The following ANXA8 variants were observed in gnomAD, a reference collection of about 807,000 sequenced individuals.
ANXA8 encodes annexin A8.
In ANXA8, 9 loss-of-function variants were observed where a neutral mutation model predicts 26.8. The ratio of observed to expected loss-of-function variants is 0.34; its 90% CI spans 0.20 to 0.59. ANXA8 has a LOEUF of 0.59. ANXA8 is among the 20% of genes least tolerant of loss of function. ANXA8 has a pLI of 0.84. For synonymous variants in ANXA8, 39 were observed against 94.8 expected, an observed-to-expected ratio of 0.41 and a Z score of 3.42; for missense variants, 83 against 238.5, an observed-to-expected ratio of 0.35 and a Z score of 4.29.
the ANXA8 span, among the ~76,000 whole-genome samples, chr10:47,584,909 G>C: frequency 7.0e-6 from 1 of 143,268 alleles, no homozygotes; most frequent in African/African-American, 2.9e-5. Flanking sequence ...CCAACATGGC[G>C]AAACCCCGTC....
the ANXA8 span, among the ~76,000 whole-genome samples, chr10:47,649,692 C>T: frequency 6.6e-6 from 1 of 150,696 alleles, no homozygotes; most frequent in Admixed American, 6.6e-5. Flanking sequence ...CAGGCATCAG[C>T]CACTGCGCCT....
the ANXA8 span, among the ~76,000 whole-genome samples, chr10:47,521,973 G>C: frequency 1.3e-5 from 2 of 150,802 alleles, no homozygotes; most frequent in East Asian, 3.9e-4. Context: ...TTTTAGTAGA[G>C]ACAGCGTTTC....
chr10:47,942,037 A>C, the ANXA8 span, among the ~76,000 whole-genome samples: 1 of 147,752 alleles, frequency 6.8e-6, no homozygotes, highest in South Asian at 2.1e-4. Context: ...AATATTTTAA[A>C]ATCAGTTGCT....
chr10:47,510,306 A>C, the ANXA8 span: 3 of 1,076,638 alleles, frequency 2.8e-6, 1 homozygote, highest in South Asian at 4.9e-5. Context: ...CAAACTTATC[A>C]AAGTGTATTT....
chr10:47,701,093 A>C, the ANXA8 span, among the ~76,000 whole-genome samples: 1 of 149,850 alleles, frequency 6.7e-6, no homozygotes, highest in Non-Finnish European at 1.5e-5. Context: ...ATGAACAGTC[A>C]ATTTTCAAAA....
chr10:47,755,049 C>G, the ANXA8 span, among the ~76,000 whole-genome samples: 5 of 145,150 alleles, frequency 3.4e-5, no homozygotes, highest in African/African-American at 1.3e-4. Flanking sequence ...CTCTGCCTCC[C>G]GGGTTCAAGT....
At chr10:47,502,791 C>T in the ANXA8 span, 4 of 1,576,664 alleles carry the variant, frequency 2.5e-6, no homozygotes, top group Admixed American at 3.5e-5. Flanking sequence ...TGCATGACTG[C>T]AGGCTGGCCA....
the ANXA8 span, among the ~76,000 whole-genome samples, chr10:47,519,467 C>CA: frequency 0.038 from 3,168 of 84,424 alleles, 54 homozygotes; most frequent in Middle Eastern, 0.11. Flanking sequence ...GACTCCATTT[C>CA]AAAAAAAAAA....
chr10:47,606,547 G>T, the ANXA8 span, among the ~76,000 whole-genome samples: 1 of 148,362 alleles, frequency 6.7e-6, no homozygotes, highest in Non-Finnish European at 1.5e-5. Context: ...ACAAGATCTT[G>T]TTCTTTGAAG....
At chr10:47,617,654 C>T in the ANXA8 span, among the ~76,000 whole-genome samples, 3 of 147,814 alleles carry the variant, frequency 2.0e-5, no homozygotes, top group South Asian at 2.1e-4. Flanking sequence ...GTTAAACTGC[C>T]CTCATCTTTT....
chr10:47,932,728 T>G, the ANXA8 span, among the ~76,000 whole-genome samples: 7 of 58,732 alleles, frequency 1.2e-4, no homozygotes, highest in Non-Finnish European at 1.9e-4. Context: ...TTCTCTGTCT[T>G]TCTGTCTCTC....
At chr10:47,587,805 T>G in the ANXA8 span, among the ~76,000 whole-genome samples, 3 of 146,222 alleles carry the variant, frequency 2.1e-5, no homozygotes, top group Non-Finnish European at 4.4e-5. Context: ...AGAAGAAGAC[T>G]GAAAAGATGC....
At chr10:47,672,781 C>G in the ANXA8 span, among the ~76,000 whole-genome samples, 8 of 151,832 alleles carry the variant, frequency 5.3e-5, no homozygotes, top group African/African-American at 1.9e-4. Flanking sequence ...GGGAGTGAAC[C>G]ATTCGAGGTC....
At chr10:47,732,978 A>G in the ANXA8 span, among the ~76,000 whole-genome samples, 1 of 149,850 alleles carries the variant, frequency 6.7e-6, no homozygotes, top group Non-Finnish European at 1.5e-5. Context: ...TAACAGTAGG[A>G]TGGGTTTGTT....
the ANXA8 span, among the ~76,000 whole-genome samples, chr10:47,579,854 CAAG>C: frequency 7.2e-6 from 1 of 138,160 alleles, no homozygotes; most frequent in South Asian, 2.4e-4. Context: ...AGTCAAATCA[CAAG>C]AAGATGTAAC....
chr10:47,748,757 C>T, the ANXA8 span, among the ~76,000 whole-genome samples: 2 of 151,088 alleles, frequency 1.3e-5, no homozygotes, highest in Non-Finnish European at 3.0e-5. Context: ...TGAGCCAGTG[C>T]ATGTTACTGA....
the ANXA8 span, among the ~76,000 whole-genome samples, chr10:47,693,347 T>TGG: frequency 6.6e-5 from 10 of 150,976 alleles, no homozygotes; most frequent in African/African-American, 2.2e-4. Flanking sequence ...TAGAGTGCAG[T>TGG]GGCGCGATGT....
chr10:47,976,649 G>A, the ANXA8 span, among the ~76,000 whole-genome samples: 9,672 of 146,022 alleles, frequency 0.066, 2 homozygotes, highest in African/African-American at 0.24. Context: ...AATAGGTTTA[G>A]AGCTCTCCAA....
chr10:47,932,732 G>GTCTCTC, the ANXA8 span, among the ~76,000 whole-genome samples: 9,789 of 86,218 alleles, frequency 0.11, 1,680 homozygotes, highest in Non-Finnish European at 0.15. Context: ...CTGTCTTTCT[G>GTCTCTC]TCTCTCTCTC....
Sources: gnomAD v4.1 joint callset for allele counts (sites outside exome capture counted in the v4.1 genomes callset) on GRCh38, gnomAD v4.1.1 for gene constraint, MANE v1.5 for transcripts, NCBI Gene and HGNC (gene_info 2026-07-23, HGNC 2026-07-21) for gene names.